Variants in CACNA1E observed in about 807,000 individuals in gnomAD.
CACNA1E encodes the protein voltage-dependent R-type calcium channel subunit alpha-1E.
CACNA1E carries 40 observed loss-of-function variants against 259.2 expected under a neutral mutation model. That is an observed-to-expected ratio of 0.15 (90% CI 0.12 to 0.20). The LOEUF is 0.20. CACNA1E is among the 10% of genes least tolerant of loss of function. CACNA1E has a pLI of 1.00. For missense variants in CACNA1E, 1,874 were observed against 3,040.1 expected (o/e 0.62, Z 9.02); for synonymous variants, 1,104 against 1,138.5 (o/e 0.97, Z 0.61).
intron 18 of CACNA1E, among the ~76,000 whole-genome samples, chr1:181,728,899 G>A (rs59769627): frequency 7.9e-6 from 1 of 127,032 alleles, no homozygotes; most frequent in African/African-American, 3.1e-5. Context: ...CTGCTCAGCT[G>A]TGTGTGCCCT....
At position 181,798,599 on chromosome 1, in the gene CACNA1E, A is replaced by G. The variant is rs781574328; in HGVS notation, c.6707A>G (p.His2236Arg). ...RYISEPYLAL[H>R]EDSHASDCGE... ...ATCTCCGAGCCCTACTTGGCCCTGC[A>G]CGAAGACTCCCACGCCTCAGACTGT... The change falls in exon 48 of 48, where the codon CAC (histidine) becomes CGC (arginine). Residue 2236 changes from histidine (H) to arginine (R), a missense_variant. His to Arg is a conservative substitution (Grantham distance 29). This residue lies in a region of CACNA1E where 542 missense variants were observed against 587.2 expected (regional missense o/e 0.92). Coordinates refer to ENST00000367573, the MANE Select transcript of CACNA1E (RefSeq NM_001205293.3). This position sits in a 1 kb window ranked among gnomAD's most constrained non-coding sequence, Gnocchi z 4.2. The G allele has an allele frequency of 5.0e-6, 8 of 1,613,284 alleles. No individual in the cohort carries two copies. In the Admixed American group the frequency reaches 1.0e-4, roughly 20 times the overall value.
At chr1:181,701,566 A>G (rs1652262049) in intron 7 of CACNA1E, among the ~76,000 whole-genome samples, 2 of 152,210 alleles carry the variant, frequency 1.3e-5, no homozygotes, top group South Asian at 4.1e-4. Context: ...GTGTGCTACA[A>G]TGAGGTGGCG....
chr1:181,729,121 C>T (rs1312515141), intron 18 of CACNA1E, among the ~76,000 whole-genome samples: 3 of 128,218 alleles, frequency 2.3e-5, no homozygotes, highest in Non-Finnish European at 3.3e-5. Flanking sequence ...TGTGTGTGCC[C>T]TGCTCAGCTG....
intron 7 of CACNA1E, among the ~76,000 whole-genome samples, chr1:181,663,408 C>A (rs1028139712): frequency 3.9e-5 from 6 of 152,192 alleles, no homozygotes; most frequent in African/African-American, 1.4e-4. Flanking sequence ...TCTTCCTGTG[C>A]TTTGGAGTCA....
chr1:181,656,249 A>G (rs1338463739), intron 7 of CACNA1E, among the ~76,000 whole-genome samples: 1 of 152,216 alleles, frequency 6.6e-6, no homozygotes, highest in Non-Finnish European at 1.5e-5. Flanking sequence ...TTGTCATCAT[A>G]GGAGATGACA....
rs377149285 is a variant in CACNA1E at position 181,705,748 on chromosome 1, G to A, written c.1056-5206G>A. On this transcript the variant is annotated intron_variant, in intron 7 of 47. Transcript: ENST00000367573. Reference sequence around the variant, plus strand: ...TGTGTCACTGTACAATCTCTTATGGGAATCTAGTCAGGACTCTCAGAGTCA... The same window carrying A: ...TGTGTCACTGTACAATCTCTTATGGAAATCTAGTCAGGACTCTCAGAGTCA... 3.2e-4 allele frequency among the ~76,000 whole-genome samples: 49 copies of A among 152,316 alleles called. No individual in the cohort carries two copies. The East Asian group carries it at 7.7e-3, about 24-fold the overall frequency.
rs570044775 is a variant in CACNA1E, at chr1:181,368,637, A to T, written c.-14-44496A>T. Reference sequence around the variant, plus strand: ...AAAGGAGATGGGGTTGGGGGGCAGGACCAGGGAGGAGGGGGCAGTGCTGTG... The same window carrying T: ...AAAGGAGATGGGGTTGGGGGGCAGGTCCAGGGAGGAGGGGGCAGTGCTGTG... On this transcript the variant is annotated intron_variant, in intron 1 of 11. Coordinates refer to the CACNA1E transcript ENST00000524607. Among the ~76,000 whole-genome samples, 3 of 152,230 alleles carry T rather than the reference A, an allele frequency of 2.0e-5. No homozygotes were observed. In the East Asian group the frequency reaches 5.8e-4, roughly 29 times the overall value.
Position 181,720,733 on chromosome 1 carries a change from TTGGTA to T in CACNA1E, c.1884-47_1884-43del, listed in dbSNP as rs763589467. The T allele has an allele frequency of 1.0e-5, 11 of 1,073,704 alleles. No homozygotes were observed. The South Asian group carries it at 1.5e-4, about 14-fold the overall frequency. The allele number at this position is 1,073,704 out of a possible 1,614,324, so 66.5% of individuals were successfully genotyped here. A position where few individuals can be genotyped will look rare whatever the true frequency, so the allele number is the denominator to read the frequency against. On this transcript the variant is annotated intron_variant, in intron 14 of 47. Coordinates refer to ENST00000367573, the MANE Select transcript of CACNA1E (RefSeq NM_001205293.3). ...GCTGTGATCTTGGGGAATGGAAAAC[TTGGTA>T]TGTGAGATTTTCATTTCATTATTTT...
At chr1:181,770,190 A>C (rs1659381472) in intron 35 of CACNA1E, among the ~76,000 whole-genome samples, 1 of 152,232 alleles carries the variant, frequency 6.6e-6, no homozygotes, top group African/African-American at 2.4e-5. Flanking sequence ...GATAAACTGA[A>C]GCATGTTCAA....
At chr1:181,628,693 C>T (rs773142260) in intron 6 of CACNA1E, among the ~76,000 whole-genome samples, 23 of 152,262 alleles carry the variant, frequency 1.5e-4, no homozygotes, top group African/African-American at 3.9e-4. Context: ...CCTGCAACCC[C>T]GAAGTGTAGG....
intron 1 of CACNA1E, among the ~76,000 whole-genome samples, chr1:181,391,933 CTCTCTCTCTCTCTGTGTG>C (rs1164683500): frequency 0.012 from 926 of 79,930 alleles, 8 homozygotes; most frequent in African/African-American, 0.032. Context: ...CTGTCTCTCT[CTCTCTCTCTCTCTGTGTG>C]TGTGTGTGTG....
intron 1 of CACNA1E, among the ~76,000 whole-genome samples, chr1:181,508,421 T>C (rs1665899412): frequency 6.6e-6 from 1 of 152,216 alleles, no homozygotes; most frequent in East Asian, 1.9e-4. Flanking sequence ...CGCCCAAGCA[T>C]GTTTTCAGGA....
Position 181,798,196 on chromosome 1 carries a change from T to A in CACNA1E, c.6400-96T>A. Reference sequence around the variant, plus strand: ...GGGAGCTCCAGCTCAGGCCTCTCCCTGACAGAATTCAGATTCCAAGGACTC... The same window carrying A: ...GGGAGCTCCAGCTCAGGCCTCTCCCAGACAGAATTCAGATTCCAAGGACTC... On this transcript the variant is annotated intron_variant, in intron 47 of 47. Transcript: ENST00000367573. The surrounding 1 kb of genome is among the most constrained non-coding windows in gnomAD (Gnocchi z 4.2). 2 of 1,047,764 alleles carry A rather than the reference T, an allele frequency of 1.9e-6. No individual in the cohort carries two copies. Among genetic ancestry groups the A allele is most frequent in the Non-Finnish European group, 2.8e-6 (2 of 716,368 alleles). The allele number at this position is 1,047,764 out of a possible 1,614,324, so 64.9% of individuals were successfully genotyped here.
chr1:181,651,471 CAT>C (rs1402819205), intron 7 of CACNA1E, 30 bp downstream of exon 7: 1 of 1,459,060 alleles, frequency 6.9e-7, no homozygotes, highest in Non-Finnish European at 9.6e-7. Flanking sequence ...CTTCTTAACT[CAT>C]TTGCTGACTG....
intron 6 of CACNA1E, among the ~76,000 whole-genome samples, chr1:181,628,307 T>A (rs564573027): frequency 6.6e-6 from 1 of 152,224 alleles, no homozygotes; most frequent in Non-Finnish European, 1.5e-5. Context: ...ACAGAGTGGA[T>A]ACAGTGGCTC....
intron 6 of CACNA1E, among the ~76,000 whole-genome samples, chr1:181,618,667 T>C (rs1655447487): frequency 6.6e-6 from 1 of 152,202 alleles, no homozygotes; most frequent in African/African-American, 2.4e-5. Context: ...AATCCAGAGA[T>C]GTTTCATTAT....
At chr1:181,730,635 CCT>C (rs1655377263) in intron 18 of CACNA1E, among the ~76,000 whole-genome samples, 1 of 152,232 alleles carries the variant, frequency 6.6e-6, no homozygotes, top group Non-Finnish European at 1.5e-5. Flanking sequence ...GATGGTGCTG[CCT>C]CTGACCATGG....
chr1:181,399,217 T>G (rs1451794896), intron 1 of CACNA1E, among the ~76,000 whole-genome samples: 1 of 119,016 alleles, frequency 8.4e-6, no homozygotes, highest in Non-Finnish European at 1.7e-5. Context: ...GTTTAGAGAG[T>G]TTTTTTTTTT....
rs1473306130 is a variant in CACNA1E, at chr1:181,758,534, T to TG, written c.4495-224_4495-223insG. Reference sequence around the variant, plus strand: ...CCCTCATCTCTAGGAAGACTGGCTGTTTTGCTATTAAGTCTGGTGGGGCGT... The same window carrying TG: ...CCCTCATCTCTAGGAAGACTGGCTGTGTTTGCTATTAAGTCTGGTGGGGCGT... On this transcript the variant is annotated intron_variant, in intron 31 of 47. Coordinates refer to ENST00000367573, the MANE Select transcript of CACNA1E (RefSeq NM_001205293.3). The surrounding 1 kb of genome is among the most constrained non-coding windows in gnomAD (Gnocchi z 4.2). 6.6e-6 allele frequency among the ~76,000 whole-genome samples: 1 copy of TG among 152,168 alleles called. No individual in the cohort carries two copies. The highest frequency in any genetic ancestry group is 2.4e-5 in the African/African-American group (1 of 41,432).
Sources: gnomAD v4.1 joint callset for allele counts (sites outside exome capture counted in the v4.1 genomes callset) on GRCh38, gnomAD v4.1.1 for gene constraint, gnomAD v4.1.1 regional missense constraint, Gnocchi (gnomAD v3.1) non-coding constraint, MANE v1.5 for transcripts, NCBI Gene and HGNC (gene_info 2026-07-23, HGNC 2026-07-21) for gene names.